CACNA2D4: variants seen among roughly 807,000 people sequenced by gnomAD.
CACNA2D4 encodes the protein calcium voltage-gated channel auxiliary subunit alpha2delta 4.
CACNA2D4 carries 157 observed loss-of-function variants against 163.8 expected under a neutral mutation model. The ratio of observed to expected loss-of-function variants is 0.96; its 90% CI spans 0.84 to 1.09. The LOEUF (loss-of-function observed/expected upper bound fraction) is 1.09. Ranked by LOEUF, CACNA2D4 falls within the 50% of genes least tolerant of loss-of-function variation. The pLI is 0.00. For synonymous variants in CACNA2D4, 598 were observed against 586.9 expected (o/e 1.02, Z -0.27); for missense variants, 1,410 against 1,479.9 (o/e 0.95, Z 0.78).
intron 18 of CACNA2D4, among the ~76,000 whole-genome samples, chr12:1,865,059 G>A (rs1019189444): frequency 6.6e-6 from 1 of 152,186 alleles, no homozygotes; most frequent in Non-Finnish European, 1.5e-5. Flanking sequence ...TCCTCTCTGG[G>A]TGAGGTTCAG....
intron 26 of CACNA2D4, among the ~76,000 whole-genome samples, chr12:1,821,631 C>T (rs557559105): frequency 6.6e-6 from 1 of 152,294 alleles, no homozygotes; most frequent in African/African-American, 2.4e-5. Context: ...GGGGGGTACA[C>T]AGCGGGGCCA....
chr12:1,835,060 G>A (rs531275850), intron 26 of CACNA2D4: 28 of 269,928 alleles, frequency 1.0e-4, no homozygotes, highest in African/African-American at 5.2e-4. Flanking sequence ...CTGCCCTGGG[G>A]TGGCCATAGC....
chr12:1,907,601 T>A, intron 5 of CACNA2D4, 30 bp from the exon 6 acceptor site: 1 of 1,600,216 alleles, frequency 6.2e-7, no homozygotes, highest in Non-Finnish European at 8.5e-7. Flanking sequence ...ATTATGATCC[T>A]GTAGAACTTC....
At chr12:1,846,039 TAA>T (rs1477321167) in intron 24 of CACNA2D4, among the ~76,000 whole-genome samples, 1 of 151,902 alleles carries the variant, frequency 6.6e-6, no homozygotes, top group Non-Finnish European at 1.5e-5. Flanking sequence ...CCAGGTAGAG[TAA>T]GAGACCGCAA....
intron 26 of CACNA2D4, among the ~76,000 whole-genome samples, chr12:1,823,709 G>C (rs1484854252): frequency 1.3e-5 from 2 of 152,238 alleles, no homozygotes; most frequent in African/African-American, 4.8e-5. Flanking sequence ...AGGCTGGGAA[G>C]AGGAGAACCT....
At chr12:1,863,974 C>A (rs200552315) in intron 18 of CACNA2D4, among the ~76,000 whole-genome samples, 3 of 152,176 alleles carry the variant, frequency 2.0e-5, no homozygotes, top group Non-Finnish European at 2.9e-5. Flanking sequence ...TTCGGAAATG[C>A]GGGAGGACAT....
intron 23 of CACNA2D4, among the ~76,000 whole-genome samples, chr12:1,850,397 G>A (rs1045948305): frequency 1.3e-5 from 2 of 152,078 alleles, no homozygotes; most frequent in African/African-American, 4.8e-5. Flanking sequence ...TTTTTCCTCT[G>A]AACTGTTCGT....
At chr12:1,847,237 A>G (rs1217110500) in intron 23 of CACNA2D4, among the ~76,000 whole-genome samples, 1 of 152,194 alleles carries the variant, frequency 6.6e-6, no homozygotes, top group Non-Finnish European at 1.5e-5. Flanking sequence ...GGCGTCACAT[A>G]TCTCCCTCCC....
At chr12:1,907,710 T>C (rs990929300) in intron 5 of CACNA2D4, 139 bp from the exon 6 acceptor site, 15 of 1,162,316 alleles carry the variant, frequency 1.3e-5, no homozygotes, top group Middle Eastern at 4.4e-4. Context: ...GGTGGGCGTG[T>C]CTGGTGGACG....
At chr12:1,827,427 CCT>C (rs147095509) in intron 26 of CACNA2D4, 11,587 of 152,960 alleles carry the variant, frequency 0.076, 628 homozygotes, top group Non-Finnish European at 0.11. Context: ...AGCATGAACC[CCT>C]GAGCTGATGA....
intron 24 of CACNA2D4, among the ~76,000 whole-genome samples, chr12:1,845,347 G>A (rs1865120790): frequency 6.8e-6 from 1 of 146,328 alleles, no homozygotes; most frequent in Admixed American, 6.8e-5. Flanking sequence ...GGTCAGGGAG[G>A]CAGTGGTGCT....
At chr12:1,812,254 T>G (rs1863737924) in intron 26 of CACNA2D4, among the ~76,000 whole-genome samples, 1 of 152,218 alleles carries the variant, frequency 6.6e-6, no homozygotes, top group Non-Finnish European at 1.5e-5. Flanking sequence ...AAGGAGGCTC[T>G]TTTCCAGCTC....
intron 4 of CACNA2D4, among the ~76,000 whole-genome samples, chr12:1,908,948 C>G (rs1444433570): frequency 6.6e-6 from 1 of 152,204 alleles, no homozygotes; most frequent in Non-Finnish European, 1.5e-5. Flanking sequence ...GGCTCCTCCT[C>G]ACGACACTGT....
rs201498991 is a variant in CACNA2D4 at position 1,834,995 on chromosome 12, A to C, written c.2551+5744T>G. 6 of 511,362 alleles carry C rather than the reference A, an allele frequency of 1.2e-5. No homozygotes were observed. The East Asian group carries it at 2.2e-4, about 19-fold the overall frequency. 31.7% of individuals were successfully genotyped at this position (511,362 alleles called of 1,614,324 possible). On this transcript the variant is annotated intron_variant, in intron 26 of 37. Transcript: ENST00000382722. The surrounding 1 kb of genome is among the most constrained non-coding windows in gnomAD (Gnocchi z 7.6). ...CCCTAAGCTCTGGCCACAGCAAAGC[A>C]AGGAGGTGTGTGCAAGAGGAGGCTT...
intron 28 of CACNA2D4, 32 bp downstream of exon 28, chr12:1,810,508 CCCT>C (rs1193023732): frequency 1.3e-6 from 2 of 1,550,586 alleles, no homozygotes; most frequent in Non-Finnish European, 1.7e-6. Flanking sequence ...GGCCATGGCT[CCCT>C]CCTCCACCTT....
At chr12:1,846,063 C>T (rs933572481) in intron 24 of CACNA2D4, among the ~76,000 whole-genome samples, 1 of 152,178 alleles carries the variant, frequency 6.6e-6, no homozygotes, top group African/African-American at 2.4e-5. Flanking sequence ...TCTCCCACAC[C>T]AAGGTGGGAG....
At position 1,885,028 on chromosome 12, in the gene CACNA2D4, C is replaced by T. The variant is rs377642699; in HGVS notation, c.1117G>A (p.Val373Met). The T allele has an allele frequency of 4.6e-5, 75 of 1,613,820 alleles. No individual in the cohort carries two copies. The highest frequency in any genetic ancestry group is 1.7e-4 in the Admixed American group (10 of 60,010). The change falls in exon 10 of 38, where the codon GTG becomes ATG. Residue 373 changes from valine (V) to methionine (M), a missense_variant. Transcript: ENST00000382722. ...EELMVKGVGV[V>M]DQALREAFQI... Reference sequence around the variant, plus strand: ...AAGGCTTCTCTCAGGGCTTGGTCCACGACCCCCACACCTTTGACCATCAAC... The same window carrying T: ...AAGGCTTCTCTCAGGGCTTGGTCCATGACCCCCACACCTTTGACCATCAAC...
chr12:1,870,369 C>G (rs1193041515), intron 18 of CACNA2D4, among the ~76,000 whole-genome samples: 1 of 152,056 alleles, frequency 6.6e-6, no homozygotes, highest in African/African-American at 2.4e-5. Context: ...TCTAGCCTCC[C>G]TGTGGCTCGC....
At chr12:1,849,474 C>T (rs1360074720) in intron 23 of CACNA2D4, among the ~76,000 whole-genome samples, 1 of 152,178 alleles carries the variant, frequency 6.6e-6, no homozygotes, top group Non-Finnish European at 1.5e-5. Flanking sequence ...TCTAAAGCCC[C>T]TTGAAAGAAT....
Sources: allele counts gnomAD v4.1 joint callset (sites outside exome capture counted in the v4.1 genomes callset), GRCh38; gene constraint gnomAD v4.1.1; non-coding constraint Gnocchi (gnomAD v3.1); transcripts MANE v1.5; gene names NCBI Gene and HGNC (gene_info 2026-07-23, HGNC 2026-07-21).